Variants in ANKFN1 observed in about 807,000 individuals in gnomAD.
ANKFN1 encodes ankyrin repeat and fibronectin type-III domain-containing protein 1.
In ANKFN1, 74 loss-of-function variants were observed where a neutral mutation model predicts 108.7. The observed-to-expected ratio is 0.68, with a 90% confidence interval of 0.56 to 0.83. ANKFN1 has a LOEUF of 0.83. Among genes scored for constraint, ANKFN1 ranks in the 40% least tolerant of loss-of-function variants. The probability of loss-of-function intolerance (pLI) is 0.00; values close to 1 mark genes in which losing one functional copy is unlikely to be tolerated. For missense variants in ANKFN1, 1,505 were observed against 1,382.3 expected (o/e 1.09, Z -1.41); for synonymous variants, 547 against 516.2 (o/e 1.06, Z -0.81).
chr17:56,418,027 T>C (rs1308327525), intron 8 of ANKFN1, among the ~76,000 whole-genome samples: 1 of 152,212 alleles, frequency 6.6e-6, no homozygotes, highest in Non-Finnish European at 1.5e-5. Context: ...CAACTTTTAT[T>C]TGAGGAGTCT....
chr17:56,197,851 G>C (rs527902647), intron 1 of ANKFN1, among the ~76,000 whole-genome samples: 1 of 152,170 alleles, frequency 6.6e-6, no homozygotes, highest in Non-Finnish European at 1.5e-5. Context: ...ATGCACAGGG[G>C]TGTGGGAAGG....
intron 8 of ANKFN1, among the ~76,000 whole-genome samples, chr17:56,385,383 G>C (rs561178354): frequency 6.6e-6 from 1 of 152,268 alleles, no homozygotes; most frequent in East Asian, 1.9e-4. Context: ...GAAAGCCTAG[G>C]CATTACCATT....
intron 4 of ANKFN1, among the ~76,000 whole-genome samples, chr17:56,081,536 A>G (rs1345851841): frequency 1.3e-5 from 2 of 152,072 alleles, no homozygotes; most frequent in East Asian, 3.9e-4. Flanking sequence ...TATTTTCAGT[A>G]GAGATGGGGC....
intron 8 of ANKFN1, among the ~76,000 whole-genome samples, chr17:56,379,508 T>C (rs1367050092): frequency 1.3e-5 from 2 of 152,354 alleles, no homozygotes; most frequent in East Asian, 1.9e-4. Flanking sequence ...TTTTTTGATA[T>C]GTATATGCAC....
chr17:56,212,959 G>C (rs1204049607), intron 2 of ANKFN1, among the ~76,000 whole-genome samples: 2 of 152,154 alleles, frequency 1.3e-5, no homozygotes, highest in Admixed American at 1.3e-4. Context: ...TCATGCTAAA[G>C]CTGTTCACAA....
chr17:56,421,124 T>C (rs547269538), intron 8 of ANKFN1, among the ~76,000 whole-genome samples: 2 of 152,366 alleles, frequency 1.3e-5, no homozygotes, highest in South Asian at 2.1e-4. Flanking sequence ...AATCACACTT[T>C]GATAAAAAGT....
At chr17:56,288,775 C>T (rs917113247) in intron 3 of ANKFN1, among the ~76,000 whole-genome samples, 2 of 152,180 alleles carry the variant, frequency 1.3e-5, no homozygotes, top group African/African-American at 4.8e-5. Context: ...CTCCCCTCTA[C>T]CACACCATGG....
At chr17:56,399,173 T>G (rs1312922629) in intron 8 of ANKFN1, among the ~76,000 whole-genome samples, 9 of 152,108 alleles carry the variant, frequency 5.9e-5, no homozygotes, top group Non-Finnish European at 1.0e-4. Flanking sequence ...TTAGTTTATA[T>G]CATGCCATAG....
intron 4 of ANKFN1, among the ~76,000 whole-genome samples, chr17:56,057,229 G>T (rs1169126144): frequency 1.3e-5 from 2 of 152,060 alleles, no homozygotes; most frequent in East Asian, 1.9e-4. Context: ...TCCACTGAAG[G>T]CTTGGATCCC....
chr17:56,413,006 A>G (rs540593324), intron 8 of ANKFN1, among the ~76,000 whole-genome samples: 1 of 152,138 alleles, frequency 6.6e-6, no homozygotes, highest in South Asian at 2.1e-4. Context: ...TATTGTTTCT[A>G]TAGTGTCTTG....
upstream of ANKFN1, chr17:56,153,423 C>T: frequency 6.5e-7 from 1 of 1,545,076 alleles, no homozygotes; most frequent in East Asian, 2.3e-5. Context: ...GTTCCCTTGG[C>T]AACGGGACCG....
intron 15 of ANKFN1, among the ~76,000 whole-genome samples, chr17:56,474,727 C>T (rs2050440600): frequency 6.6e-6 from 1 of 152,068 alleles, no homozygotes; most frequent in South Asian, 2.1e-4. Context: ...TTTTTCCTTC[C>T]CTCATTAACA....
At chr17:56,353,467 C>T (rs931305805) in intron 5 of ANKFN1, among the ~76,000 whole-genome samples, 20 of 152,100 alleles carry the variant, frequency 1.3e-4, no homozygotes, top group Non-Finnish European at 4.4e-5. Flanking sequence ...AAACTCCTCG[C>T]CTCAAGTGAT....
chr17:56,318,535 C>T (rs1369856541), intron 3 of ANKFN1, among the ~76,000 whole-genome samples: 2 of 152,124 alleles, frequency 1.3e-5, no homozygotes, highest in African/African-American at 4.8e-5. Context: ...ATGGAGATTT[C>T]AATCCAGTAA....
At chr17:56,142,410 A>C (rs1446775669) in intron 4 of ANKFN1, among the ~76,000 whole-genome samples, 4 of 152,178 alleles carry the variant, frequency 2.6e-5, no homozygotes, top group Non-Finnish European at 5.9e-5. Context: ...ATGAAGAGTA[A>C]ATCATTCCTC....
At chr17:56,177,323 C>T (rs1464929139) in intron 1 of ANKFN1, among the ~76,000 whole-genome samples, 1 of 152,244 alleles carries the variant, frequency 6.6e-6, no homozygotes, top group Non-Finnish European at 1.5e-5. Flanking sequence ...CCTTCTGCCA[C>T]TGCCCAACAA....
intron 8 of ANKFN1, among the ~76,000 whole-genome samples, chr17:56,405,108 G>C (rs2047881255): frequency 6.6e-6 from 1 of 152,198 alleles, no homozygotes; most frequent in African/African-American, 2.4e-5. Flanking sequence ...TCTTAGCTCT[G>C]GTGGTTTAAC....
At chr17:56,239,487 C>T (rs1455032528) in intron 3 of ANKFN1, among the ~76,000 whole-genome samples, 3 of 152,160 alleles carry the variant, frequency 2.0e-5, no homozygotes, top group Non-Finnish European at 1.5e-5. Context: ...CAAAATATCA[C>T]TTTCACTCCA....
chr17:56,066,315 T>A (rs1227150617), intron 4 of ANKFN1, among the ~76,000 whole-genome samples: 1 of 152,224 alleles, frequency 6.6e-6, no homozygotes, highest in Non-Finnish European at 1.5e-5. Flanking sequence ...CCACCACCTC[T>A]GTTCAGTGCT....
Sources: gnomAD v4.1 joint callset for allele counts (sites outside exome capture counted in the v4.1 genomes callset) on GRCh38, gnomAD v4.1.1 for gene constraint, MANE v1.5 for transcripts, NCBI Gene and HGNC (gene_info 2026-07-23, HGNC 2026-07-21) for gene names.